Variants in SMYD3 observed in about 807,000 individuals in gnomAD.
SMYD3 encodes histone-lysine N-methyltransferase SMYD3.
A neutral mutation model predicts 57.7 loss-of-function variants in SMYD3; 36 were observed. The ratio of observed to expected loss-of-function variants is 0.62; its 90% CI spans 0.48 to 0.82. The LOEUF (loss-of-function observed/expected upper bound fraction) is 0.82. SMYD3 is among the 40% of genes least tolerant of loss of function. The pLI is 0.00. For missense variants in SMYD3, 515 were observed against 538.8 expected (o/e 0.96, Z 0.44); for synonymous variants, 211 against 195.0 (o/e 1.08, Z -0.68).
chr1:246,339,803 A>G (rs1284509881), intron 2 of SMYD3, among the ~76,000 whole-genome samples: 1 of 152,228 alleles, frequency 6.6e-6, no homozygotes, highest in Non-Finnish European at 1.5e-5. Context: ...GTTTGCTATA[A>G]AAGAGAGTCC....
intron 5 of SMYD3, among the ~76,000 whole-genome samples, chr1:245,960,292 G>C (rs924649512): frequency 6.6e-6 from 1 of 152,172 alleles, no homozygotes. Context: ...CTTGTTGTAA[G>C]GTTGACTCCA....
intron 1 of SMYD3, among the ~76,000 whole-genome samples, chr1:246,417,768 A>C (rs76829912): frequency 0.16 from 23,608 of 152,194 alleles, 1,961 homozygotes; most frequent in East Asian, 0.32. Context: ...ACTTAGCAGA[A>C]TTCAGGCCCT....
At chr1:245,908,814 TA>T (rs752235917) in intron 8 of SMYD3, among the ~76,000 whole-genome samples, 90 of 152,122 alleles carry the variant, frequency 5.9e-4, no homozygotes, top group South Asian at 1.2e-3. Flanking sequence ...ACAGCAAAAG[TA>T]GTGTTAAGAT....
chr1:246,456,226 C>G (rs2067697559), intron 1 of SMYD3, among the ~76,000 whole-genome samples: 1 of 152,198 alleles, frequency 6.6e-6, no homozygotes, highest in African/African-American at 2.4e-5. Context: ...CCAGGAATAT[C>G]TCTCTCTTGA....
chr1:246,504,816 T>C (rs2068510965), intron 1 of SMYD3, among the ~76,000 whole-genome samples: 1 of 152,212 alleles, frequency 6.6e-6, no homozygotes, highest in African/African-American at 2.4e-5. Context: ...GACTTCACAA[T>C]GGACAGTGAA....
chr1:245,765,077 C>CAAAAAAAAAAAAAAAAAAAAAA (rs746177324), intron 10 of SMYD3, among the ~76,000 whole-genome samples: 17 of 128,404 alleles, frequency 1.3e-4, no homozygotes, highest in Non-Finnish European at 2.0e-4. Context: ...CACACACACA[C>CAAAAAAAAAAAAAAAAAAAAAA]AAAACCACAG....
rs376167925 is a variant in SMYD3 at position 246,379,139 on chromosome 1, T to C, written c.165-24045A>G. On this transcript the variant is annotated intron_variant, in intron 1 of 11. Coordinates refer to ENST00000490107, the MANE Select transcript of SMYD3 (RefSeq NM_001167740.2). Reference sequence around the variant, plus strand: ...ATATATTCCATTACTTCTGTCCCTCTGGAGAACCCTAACTAATACAACCAT... The same window carrying C: ...ATATATTCCATTACTTCTGTCCCTCCGGAGAACCCTAACTAATACAACCAT... Among the ~76,000 whole-genome samples the C allele has an allele frequency of 1.3e-4, 19 of 149,284 alleles. No homozygotes were observed. The East Asian group carries it at 2.7e-3, about 21-fold the overall frequency.
At chr1:246,495,495 C>G (rs539700610) in intron 1 of SMYD3, among the ~76,000 whole-genome samples, 1 of 151,874 alleles carries the variant, frequency 6.6e-6, no homozygotes. Flanking sequence ...CGAGAACCAA[C>G]GAGTTACAAG....
rs1164274725 is a variant in SMYD3 at position 246,248,808 on chromosome 1, ATTTTTTT to A, written c.531+78386_531+78392del. Among the ~76,000 whole-genome samples the A allele has an allele frequency of 9.0e-4, 81 of 90,428 alleles. 1 individual carries two copies. Among genetic ancestry groups the A allele is most frequent in the East Asian group, 3.5e-3 (7 of 2,016 alleles). 59.3% of individuals were successfully genotyped at this position (90,428 alleles called of 152,430 possible). ...AGGCGCCCGCCACCATGCCCGGCTA[ATTTTTTT>A]TTTTTTTTTTTTTTGTATTTTTACT... On this transcript the variant is annotated intron_variant, in intron 5 of 11. Transcript: ENST00000490107.
chr1:246,229,876 G>A (rs748712270), intron 5 of SMYD3, among the ~76,000 whole-genome samples: 2 of 152,150 alleles, frequency 1.3e-5, no homozygotes, highest in Non-Finnish European at 2.9e-5. Context: ...GCGTTTTGAG[G>A]TATTCAGAAA....
At chr1:246,185,251 T>C (rs970926872) in intron 5 of SMYD3, among the ~76,000 whole-genome samples, 1 of 152,126 alleles carries the variant, frequency 6.6e-6, no homozygotes, top group Non-Finnish European at 1.5e-5. Context: ...AATTCCTTTT[T>C]TTTGGAGGCA....
At chr1:246,239,077 CTACAGTGAGTT>C (rs1258970539) in intron 5 of SMYD3, among the ~76,000 whole-genome samples, 1 of 151,986 alleles carries the variant, frequency 6.6e-6, no homozygotes, top group Non-Finnish European at 1.5e-5. Context: ...ACAGTGTGTA[CTACAGTGAGTT>C]TTAAGCAGTT....
intron 4 of SMYD3, among the ~76,000 whole-genome samples, chr1:246,327,782 GA>G (rs2065379994): frequency 6.6e-6 from 1 of 152,086 alleles, no homozygotes; most frequent in African/African-American, 2.4e-5. Flanking sequence ...CAGAAAATAA[GA>G]ACTAAAAAGT....
At chr1:246,107,150 G>A (rs7529818) in intron 5 of SMYD3, among the ~76,000 whole-genome samples, 27,277 of 144,812 alleles carry the variant, frequency 0.19, 4,976 homozygotes, top group African/African-American at 0.45. Flanking sequence ...AGCCAGGCGT[G>A]GTGGCAGGCG....
chr1:245,756,379 TCAAA>T (rs2045606459), intron 11 of SMYD3, among the ~76,000 whole-genome samples: 1 of 151,966 alleles, frequency 6.6e-6, no homozygotes, highest in Non-Finnish European at 1.5e-5. Context: ...GCTTCAACTA[TCAAA>T]CAATCTAGAA....
chr1:246,225,046 A>T (rs1333074619), intron 5 of SMYD3, among the ~76,000 whole-genome samples: 1 of 137,764 alleles, frequency 7.3e-6, no homozygotes, highest in Non-Finnish European at 1.5e-5. Context: ...CTGGAGATAC[A>T]ATTTTTTTTT....
At chr1:245,807,086 C>T (rs1558364510) in intron 10 of SMYD3, among the ~76,000 whole-genome samples, 2 of 152,010 alleles carry the variant, frequency 1.3e-5, no homozygotes, top group Non-Finnish European at 2.9e-5. Flanking sequence ...GCTCACTCCT[C>T]CTCCCACGCA....
At chr1:246,240,348 A>T (rs538026678) in intron 5 of SMYD3, among the ~76,000 whole-genome samples, 20 of 152,300 alleles carry the variant, frequency 1.3e-4, no homozygotes, top group African/African-American at 4.8e-4. Context: ...TAAATAGGGA[A>T]TCTTTCCCCC....
chr1:246,184,401 T>A (rs1467603681), intron 5 of SMYD3, among the ~76,000 whole-genome samples: 1 of 152,186 alleles, frequency 6.6e-6, no homozygotes, highest in Non-Finnish European at 1.5e-5. Context: ...GCACCCAGAT[T>A]GGCATCAAAC....
Sources: allele counts gnomAD v4.1 joint callset (sites outside exome capture counted in the v4.1 genomes callset), GRCh38; gene constraint gnomAD v4.1.1; transcripts MANE v1.5; gene names NCBI Gene and HGNC (gene_info 2026-07-23, HGNC 2026-07-21).